C12orf42: variants seen among roughly 807,000 people sequenced by gnomAD.
The protein encoded by C12orf42 is chromosome 12 open reading frame 42, also known as uncharacterized protein C12orf42.
Under a neutral mutation model 21.6 loss-of-function variants are expected in C12orf42, and 25 were observed. The ratio of observed to expected loss-of-function variants is 1.16; its 90% confidence interval spans 0.84 to 1.62. The LOEUF is 1.62. C12orf42 is among the 40% of genes most tolerant of loss of function. The pLI is 0.00. For synonymous variants in C12orf42, 174 were observed against 175.0 expected (o/e 0.99, Z 0.05); for missense variants, 483 against 459.3 (o/e 1.05, Z -0.47).
intron 6 of C12orf42, chr12:103,269,101 CT>C (rs1303568458): frequency 2.0e-5 from 3 of 152,122 alleles, no homozygotes; most frequent in African/African-American, 7.2e-5. Flanking sequence ...GAGATGTTTA[CT>C]TTTTGTCTTC....
At position 103,343,352 on chromosome 12, in the gene C12orf42, A is replaced by G. The variant is rs55917156; in HGVS notation, c.259+25535T>C. 2.8e-3 allele frequency among the ~76,000 whole-genome samples: 433 copies of G among 152,350 alleles called. 1 individual carries two copies. Among genetic ancestry groups the G allele is most frequent in the Non-Finnish European group, 4.9e-3 (334 of 68,024 alleles). Reference sequence around the variant, plus strand: ...TAAAATGGGAAACCTGATGAAATCAAAGATTTTTTTGAAACTTTGACTACA... The same window carrying G: ...TAAAATGGGAAACCTGATGAAATCAGAGATTTTTTTGAAACTTTGACTACA... On this transcript the variant is annotated intron_variant, in intron 4 of 5. Transcript: ENST00000548883.
chr12:103,162,259 G>A, the C12orf42 span, among the ~76,000 whole-genome samples: 132 of 152,260 alleles, frequency 8.7e-4, 1 homozygote, highest in South Asian at 1.7e-3. Flanking sequence ...ACAGTATGGA[G>A]CAAGCCTGCG....
At chr12:103,234,239 A>G (rs975114346), downstream of C12orf42, among the ~76,000 whole-genome samples, 9 of 151,918 alleles carry the variant, frequency 5.9e-5, no homozygotes, top group Admixed American at 4.6e-4. Flanking sequence ...TTTATGATAT[A>G]TGATATGGTC....
chr12:103,073,722 A>C, the C12orf42 span, among the ~76,000 whole-genome samples: 1 of 152,198 alleles, frequency 6.6e-6, no homozygotes, highest in Non-Finnish European at 1.5e-5. Flanking sequence ...CTCCATAAAA[A>C]AATAAGCAAG....
chr12:103,241,199 A>G (rs2033723041), intron 10 of C12orf42, among the ~76,000 whole-genome samples: 2 of 148,228 alleles, frequency 1.3e-5, no homozygotes, highest in Admixed American at 1.3e-4. Flanking sequence ...AAAAAAAAAA[A>G]GAAAACATTT....
upstream of C12orf42, among the ~76,000 whole-genome samples, chr12:103,496,173 C>T (rs186582991): frequency 1.3e-5 from 2 of 152,302 alleles, no homozygotes; most frequent in Admixed American, 1.3e-4. Flanking sequence ...TGAATGGCAC[C>T]TGTTCTTCCG....
At chr12:103,140,622 C>A in the C12orf42 span, among the ~76,000 whole-genome samples, 1 of 152,074 alleles carries the variant, frequency 6.6e-6, no homozygotes, top group African/African-American at 2.4e-5. Flanking sequence ...GATGATGAAG[C>A]ATTTAAACAG....
intron 2 of C12orf42, among the ~76,000 whole-genome samples, chr12:103,421,091 C>T (rs890131370): frequency 6.6e-6 from 1 of 152,094 alleles, no homozygotes; most frequent in African/African-American, 2.4e-5. Flanking sequence ...GGAATGTTGT[C>T]CTAGGGACCA....
chr12:103,510,160 G>A, the C12orf42 span, among the ~76,000 whole-genome samples: 865 of 152,244 alleles, frequency 5.7e-3, 4 homozygotes, highest in African/African-American at 0.02. Context: ...TATATACATT[G>A]GAATACTACT....
the C12orf42 span, among the ~76,000 whole-genome samples, chr12:103,222,410 G>A: frequency 9.2e-5 from 14 of 152,040 alleles, no homozygotes; most frequent in Non-Finnish European, 1.3e-4. Flanking sequence ...GGCAAGGACC[G>A]GCCATTTACA....
At chr12:103,236,636 G>A (rs1173758492), downstream of C12orf42, among the ~76,000 whole-genome samples, 2 of 152,108 alleles carry the variant, frequency 1.3e-5, no homozygotes, top group South Asian at 2.1e-4. Context: ...TATTTTATAC[G>A]ATTCAGTAAT....
chr12:103,100,937 T>C, the C12orf42 span, among the ~76,000 whole-genome samples: 1 of 152,340 alleles, frequency 6.6e-6, no homozygotes, highest in Admixed American at 6.5e-5. Flanking sequence ...TGAATTCGAT[T>C]ATACATTCAA....
At chr12:103,452,689 T>C (rs549290091) in intron 2 of C12orf42, among the ~76,000 whole-genome samples, 10 of 152,078 alleles carry the variant, frequency 6.6e-5, no homozygotes. Context: ...TGGAATACTA[T>C]GCAGCCATAA....
intron 2 of C12orf42, among the ~76,000 whole-genome samples, chr12:103,405,283 T>C (rs2048336856): frequency 1.3e-5 from 2 of 152,216 alleles, no homozygotes; most frequent in Admixed American, 6.5e-5. Flanking sequence ...AATGTTAGTA[T>C]AAAAATGCAT....
chr12:103,449,114 G>A (rs916584639), intron 2 of C12orf42, among the ~76,000 whole-genome samples: 2 of 151,638 alleles, frequency 1.3e-5, no homozygotes, highest in African/African-American at 4.9e-5. Flanking sequence ...TAGATAGATA[G>A]ATAGATAGAT....
chr12:103,319,039 A>G (rs1193732763), intron 4 of C12orf42, among the ~76,000 whole-genome samples: 1 of 152,162 alleles, frequency 6.6e-6, no homozygotes, highest in Non-Finnish European at 1.5e-5. Flanking sequence ...TTCTTATATG[A>G]GGCTGTTTCC....
At chr12:103,525,360 T>G in the C12orf42 span, among the ~76,000 whole-genome samples, 1 of 146,558 alleles carries the variant, frequency 6.8e-6, no homozygotes, top group Admixed American at 6.8e-5. Context: ...AGAAGCTGAG[T>G]GACAAATGCA....
At position 103,302,518 on chromosome 12, in the gene C12orf42, T is replaced by A; in HGVS notation, c.673A>T (p.Arg225Trp). 1 of 1,612,658 alleles carries A rather than the reference T, an allele frequency of 6.2e-7. No homozygotes were observed. The highest frequency in any genetic ancestry group is 8.5e-7 in the Non-Finnish European group (1 of 1,179,624). The change falls in exon 6 of 6, where the codon AGG (arginine) becomes TGG (tryptophan). Residue 225 changes from arginine to tryptophan, a missense_variant. Coordinates refer to ENST00000548883, the MANE Select transcript of C12orf42 (RefSeq NM_198521.5). ...RPSTAIGLCR[R>W]SQTPGALQST... ...TGCAGAGCGCCGGGCGTCTGGCTCC[T>A]CCTGCAGAGGCCGATGGCAGTGGAA...
At chr12:103,241,412 TC>T (rs1023662086) in intron 10 of C12orf42, among the ~76,000 whole-genome samples, 6 of 152,142 alleles carry the variant, frequency 3.9e-5, no homozygotes, top group Admixed American at 2.0e-4. Flanking sequence ...AGTAACCACG[TC>T]CGGTGGCTGC....
Sources: gnomAD v4.1 joint callset for allele counts (sites outside exome capture counted in the v4.1 genomes callset) on GRCh38, gnomAD v4.1.1 for gene constraint, MANE v1.5 for transcripts, NCBI Gene and HGNC (gene_info 2026-07-23, HGNC 2026-07-21) for gene names.